ROCK2: variants seen among roughly 807,000 people sequenced by gnomAD.
The protein encoded by ROCK2 is rho-associated protein kinase 2.
ROCK2 carries 61 observed loss-of-function variants against 195.1 expected under a neutral mutation model. The ratio of observed to expected loss-of-function variants is 0.31; its 90% CI spans 0.25 to 0.39. The LOEUF (loss-of-function observed/expected upper bound fraction) is 0.39. ROCK2 is among the 10% of genes least tolerant of loss of function. The pLI is 1.00. For synonymous variants in ROCK2, 504 were observed against 545.5 expected, an observed-to-expected ratio of 0.92 and a Z score of 1.06; for missense variants, 1,109 against 1,637.4, an observed-to-expected ratio of 0.68 and a Z score of 5.57.
intron 1 of ROCK2, among the ~76,000 whole-genome samples, chr2:11,316,071 C>A (rs914739859): frequency 6.6e-6 from 1 of 151,986 alleles, no homozygotes; most frequent in African/African-American, 2.4e-5. Flanking sequence ...TTGGATATAC[C>A]CTAAGAAAGC....
intron 30 of ROCK2, among the ~76,000 whole-genome samples, chr2:11,193,189 G>T (rs1663498429): frequency 6.6e-6 from 1 of 152,112 alleles, no homozygotes; most frequent in African/African-American, 2.4e-5. Context: ...AGAGAGAAAA[G>T]AAAGAGGAAA....
At chr2:11,193,456 A>G (rs1207621176) in intron 30 of ROCK2, among the ~76,000 whole-genome samples, 3 of 152,168 alleles carry the variant, frequency 2.0e-5, no homozygotes, top group Admixed American at 2.0e-4. Context: ...AGATTAAACA[A>G]AAACAGAAAG....
rs141686598 is a variant in ROCK2 at position 11,233,404 on chromosome 2, T to C, written c.723+2298A>G. 7.7e-3 allele frequency among the ~76,000 whole-genome samples: 1,165 copies of C among 152,258 alleles called. 9 individuals carry two copies. The highest frequency in any genetic ancestry group is 0.017 in the Middle Eastern group (5 of 294). On this transcript the variant is annotated intron_variant, in intron 5 of 32. Transcript: ENST00000315872. ...GGAGACAAGATCTCTCATGTACTAG[T>C]AGTAAGTAGTTAGAAACATTCACAG...
intron 4 of ROCK2, among the ~76,000 whole-genome samples, chr2:11,236,946 T>C (rs1475955812): frequency 6.6e-6 from 1 of 151,822 alleles, no homozygotes; most frequent in Non-Finnish European, 1.5e-5. Flanking sequence ...AGGTCAGGAG[T>C]TCGAGACCAG....
chr2:11,338,045 G>A (rs1022434152), intron 1 of ROCK2, among the ~76,000 whole-genome samples: 1 of 152,054 alleles, frequency 6.6e-6, no homozygotes, highest in Non-Finnish European at 1.5e-5. Context: ...CATAACAACT[G>A]TATTAAGAGC....
intron 32 of ROCK2, among the ~76,000 whole-genome samples, chr2:11,188,384 A>T (rs888710212): frequency 3.9e-5 from 6 of 151,944 alleles, no homozygotes; most frequent in Admixed American, 3.9e-4. Flanking sequence ...TGCTGGGATT[A>T]CAGGTGTGAG....
At chr2:11,269,528 C>A (rs13017010) in intron 3 of ROCK2, among the ~76,000 whole-genome samples, 48,867 of 149,492 alleles carry the variant, frequency 0.33, 8,194 homozygotes, top group East Asian at 0.55. Context: ...AAAAAAAAAT[C>A]TTTTTTGAAT....
At chr2:11,232,286 G>A (rs1278518123) in intron 5 of ROCK2, among the ~76,000 whole-genome samples, 2 of 151,940 alleles carry the variant, frequency 1.3e-5, no homozygotes, top group Non-Finnish European at 2.9e-5. Flanking sequence ...GCACCATCAC[G>A]CCTGGCTAAT....
chr2:11,210,167 T>C (rs996282165), intron 18 of ROCK2, among the ~76,000 whole-genome samples: 2 of 152,206 alleles, frequency 1.3e-5, no homozygotes, highest in Admixed American at 6.5e-5. Context: ...AGCGTTTTAA[T>C]AGTTTGAAAA....
At chr2:11,189,652 C>T (rs1009549504) in intron 32 of ROCK2, among the ~76,000 whole-genome samples, 2 of 152,116 alleles carry the variant, frequency 1.3e-5, no homozygotes, top group Admixed American at 1.3e-4. Flanking sequence ...ATATACCATT[C>T]AATTTGTATA....
At chr2:11,330,974 GGGGAGGAGAAGGAAA>G (rs2148265872) in intron 1 of ROCK2, among the ~76,000 whole-genome samples, 1 of 75,846 alleles carries the variant, frequency 1.3e-5, no homozygotes, top group Non-Finnish European at 2.6e-5. Context: ...GGAGGAGGAG[GGGGAGGAGAAGGAAA>G]GAGGAGGAGG....
intron 3 of ROCK2, among the ~76,000 whole-genome samples, chr2:11,260,259 C>T (rs1666177583): frequency 6.6e-6 from 1 of 151,040 alleles, no homozygotes. Flanking sequence ...ACCAGTGTGG[C>T]CAACATGGCG....
intron 1 of ROCK2, among the ~76,000 whole-genome samples, chr2:11,326,153 T>C (rs968962272): frequency 1.3e-5 from 2 of 151,636 alleles, no homozygotes; most frequent in African/African-American, 2.4e-5. Context: ...AGCTCTCAGA[T>C]GGATAAAATG....
intron 1 of ROCK2, among the ~76,000 whole-genome samples, chr2:11,333,949 G>A (rs1668844880): frequency 2.0e-5 from 3 of 152,146 alleles, no homozygotes; most frequent in African/African-American, 7.2e-5. Context: ...CTAAAACACT[G>A]AATAAAATTC....
chr2:11,259,822 A>C (rs886431331), intron 3 of ROCK2, among the ~76,000 whole-genome samples: 1 of 151,416 alleles, frequency 6.6e-6, no homozygotes, highest in Admixed American at 6.6e-5. Context: ...AAGAATCCTA[A>C]ATGCAAAGAG....
chr2:11,285,321 G>A (rs1391607931), intron 3 of ROCK2, among the ~76,000 whole-genome samples: 3 of 151,164 alleles, frequency 2.0e-5, no homozygotes, highest in Non-Finnish European at 4.4e-5. Flanking sequence ...ACCTTTCTTG[G>A]AGGTCTCTGT....
intron 1 of ROCK2, among the ~76,000 whole-genome samples, chr2:11,322,503 T>C (rs1668432524): frequency 6.6e-6 from 1 of 151,838 alleles, no homozygotes; most frequent in Admixed American, 6.6e-5. Flanking sequence ...TAGAAGAGCA[T>C]CCATAATGCT....
chr2:11,268,521 ACT>A (rs1666505086), intron 3 of ROCK2, among the ~76,000 whole-genome samples: 3 of 73,830 alleles, frequency 4.1e-5, no homozygotes, highest in African/African-American at 1.5e-4. Context: ...ACAGTTTTGC[ACT>A]GTGTGTGTGT....
At chr2:11,188,889 G>A (rs1307624903) in intron 32 of ROCK2, among the ~76,000 whole-genome samples, 2 of 151,834 alleles carry the variant, frequency 1.3e-5, no homozygotes, top group Non-Finnish European at 1.5e-5. Context: ...CTCCCAAAGT[G>A]CTAATTTTGT....
Sources: allele counts gnomAD v4.1 joint callset (sites outside exome capture counted in the v4.1 genomes callset), GRCh38; gene constraint gnomAD v4.1.1; transcripts MANE v1.5; gene names NCBI Gene and HGNC (gene_info 2026-07-23, HGNC 2026-07-21).